SUPT3H: variants seen among roughly 807,000 people sequenced by gnomAD.
SUPT3H encodes transcription initiation protein SPT3 homolog.
SUPT3H carries 44 observed loss-of-function variants against 44.3 expected under a neutral mutation model. The ratio of observed to expected loss-of-function variants is 0.99; its 90% CI spans 0.78 to 1.28. The LOEUF (loss-of-function observed/expected upper bound fraction) is 1.28. Ranked by LOEUF, SUPT3H falls within the 50% of genes most tolerant of loss-of-function variation. SUPT3H has a pLI of 0.00. For missense variants in SUPT3H, 380 were observed against 387.1 expected (o/e 0.98, Z 0.15); for synonymous variants, 124 against 125.6 (o/e 0.99, Z 0.09).
At chr6:45,288,671 G>C (rs1779799309) in intron 2 of SUPT3H, among the ~76,000 whole-genome samples, 3 of 147,476 alleles carry the variant, frequency 2.0e-5, no homozygotes. Context: ...AATGTTCTGA[G>C]TACTGTTTAT....
At chr6:44,817,308 G>A (rs562993512) in intron 11 of SUPT3H, among the ~76,000 whole-genome samples, 10 of 150,296 alleles carry the variant, frequency 6.7e-5, no homozygotes, top group Admixed American at 5.3e-4. Context: ...AAAAACACTC[G>A]GCAAAAAAGG....
chr6:44,885,292 T>A (rs1456866571), intron 10 of SUPT3H, among the ~76,000 whole-genome samples: 1 of 152,188 alleles, frequency 6.6e-6, no homozygotes, highest in Non-Finnish European at 1.5e-5. Context: ...GCTGGAGATC[T>A]GAGAACGGGC....
At chr6:45,065,144 G>T (rs986370093) in intron 3 of SUPT3H, among the ~76,000 whole-genome samples, 1 of 151,786 alleles carries the variant, frequency 6.6e-6, no homozygotes, top group East Asian at 1.9e-4. Context: ...CTAGAATTCA[G>T]GATTAAGAAT....
intron 10 of SUPT3H, among the ~76,000 whole-genome samples, chr6:44,841,557 T>TA (rs1333551589): frequency 1.3e-5 from 2 of 152,232 alleles, no homozygotes; most frequent in Non-Finnish European, 2.9e-5. Context: ...TGTGTTTAAA[T>TA]AAATTTTATT....
At chr6:44,810,870 C>T (rs2153402302) in intron 11 of SUPT3H, among the ~76,000 whole-genome samples, 1 of 150,634 alleles carries the variant, frequency 6.6e-6, no homozygotes. Context: ...CGTGCCACTG[C>T]ACTCCAGCCT....
At chr6:44,995,066 T>C (rs1450142196) in intron 6 of SUPT3H, among the ~76,000 whole-genome samples, 1 of 152,086 alleles carries the variant, frequency 6.6e-6, no homozygotes, top group African/African-American at 2.4e-5. Flanking sequence ...TCTTCAATTA[T>C]ATGATGTAAT....
intron 3 of SUPT3H, among the ~76,000 whole-genome samples, chr6:45,103,136 T>C (rs1798824040): frequency 6.6e-6 from 1 of 152,220 alleles, no homozygotes. Context: ...TAATTCTTCC[T>C]TTCCTCTAAA....
At chr6:45,368,377 T>C (rs1332331876) in intron 1 of SUPT3H, among the ~76,000 whole-genome samples, 1 of 152,176 alleles carries the variant, frequency 6.6e-6, no homozygotes, top group African/African-American at 2.4e-5. Flanking sequence ...GGCATTTACC[T>C]TTCAATTTAA....
At chr6:45,244,112 G>A (rs780883603) in intron 2 of SUPT3H, among the ~76,000 whole-genome samples, 9 of 151,996 alleles carry the variant, frequency 5.9e-5, no homozygotes, top group Non-Finnish European at 1.2e-4. Flanking sequence ...TCAAACTCCT[G>A]GGCTCAAGTG....
At chr6:45,125,173 T>C (rs997816982) in intron 2 of SUPT3H, among the ~76,000 whole-genome samples, 5 of 152,224 alleles carry the variant, frequency 3.3e-5, no homozygotes, top group African/African-American at 4.8e-5. Flanking sequence ...TACTTTGTTA[T>C]AGAAGCCCTA....
At chr6:44,823,119 A>G (rs1028002579), downstream of SUPT3H, among the ~76,000 whole-genome samples, 1 of 151,964 alleles carries the variant, frequency 6.6e-6, no homozygotes. Flanking sequence ...AAAAAAAAAA[A>G]AAATTTTTTT....
rs1794928615 is a variant in SUPT3H, at chr6:45,365,240, C to A, written c.62G>T (p.Gly21Val). 1 of 1,612,398 alleles carries A rather than the reference C, an allele frequency of 6.2e-7. No homozygotes were observed. Among genetic ancestry groups the A allele is most frequent in the Non-Finnish European group, 8.5e-7 (1 of 1,179,122 alleles). ...TATSSSGRST[G>V]KSISFATELQ... ...TTCTGTTGCAAAGCTTATAGACTTC[C>A]CTGTACTCCTTCCACTACTTGAAGT... Residue 21 changes from glycine to valine, a missense_variant, in exon 2 of 11, where the codon GGG (glycine) becomes GTG (valine). Physicochemically the swap from Gly to Val is moderately radical, Grantham distance 109. Coordinates refer to ENST00000371459, the MANE Select transcript of SUPT3H (RefSeq NM_003599.4).
rs1789350816 is a variant in SUPT3H, at chr6:45,046,085, A to G, written c.187-25453T>C. On this transcript the variant is annotated intron_variant, in intron 3 of 10. Transcript: ENST00000371459. ...TACACATTTTTCTAGAAGTTTAATAATTTTAGCTATTTTAATATTTGCACA... is the reference window on the plus strand; with the variant it reads ...TACACATTTTTCTAGAAGTTTAATAGTTTTAGCTATTTTAATATTTGCACA... 2.0e-5 allele frequency among the ~76,000 whole-genome samples: 3 copies of G among 152,156 alleles called. No homozygotes were observed. The South Asian group carries it at 6.2e-4, about 31-fold the overall frequency.
At chr6:45,324,002 G>A (rs1785953092) in intron 2 of SUPT3H, among the ~76,000 whole-genome samples, 1 of 152,010 alleles carries the variant, frequency 6.6e-6, no homozygotes, top group South Asian at 2.1e-4. Flanking sequence ...TATATTAAGT[G>A]GTAGTGTATG....
chr6:45,194,732 T>C, intron 2 of SUPT3H, among the ~76,000 whole-genome samples: 1 of 152,024 alleles, frequency 6.6e-6, no homozygotes, highest in South Asian at 2.1e-4. Context: ...ACAAAAAGAA[T>C]GTCATTGCAA....
At chr6:45,055,847 T>C (rs1455649382) in intron 3 of SUPT3H, among the ~76,000 whole-genome samples, 1 of 152,108 alleles carries the variant, frequency 6.6e-6, no homozygotes. Flanking sequence ...GCCAAAAAGC[T>C]TCTGCACAGC....
At chr6:45,077,930 T>C (rs917305342) in intron 3 of SUPT3H, among the ~76,000 whole-genome samples, 2 of 151,212 alleles carry the variant, frequency 1.3e-5, no homozygotes, top group East Asian at 3.9e-4. Flanking sequence ...GAGGAATTGC[T>C]AAAAACAGAA....
intron 11 of SUPT3H, among the ~76,000 whole-genome samples, chr6:44,812,079 T>G (rs1278175941): frequency 6.6e-6 from 1 of 152,198 alleles, no homozygotes; most frequent in Non-Finnish European, 1.5e-5. Context: ...ACAAATGCAG[T>G]TGTGTAATAG....
At chr6:44,903,028 G>A (rs537107814) in intron 10 of SUPT3H, among the ~76,000 whole-genome samples, 72 of 152,132 alleles carry the variant, frequency 4.7e-4, no homozygotes, top group African/African-American at 1.7e-3. Flanking sequence ...CACATTCAAA[G>A]CAGTGTGTAG....
Sources: allele counts gnomAD v4.1 joint callset (sites outside exome capture counted in the v4.1 genomes callset), GRCh38; gene constraint gnomAD v4.1.1; transcripts MANE v1.5; gene names NCBI Gene and HGNC (gene_info 2026-07-23, HGNC 2026-07-21).